The following POLR3B variants were observed in gnomAD, a reference collection of about 807,000 sequenced individuals.
POLR3B encodes DNA-directed RNA polymerase III subunit RPC2.
POLR3B carries 96 observed loss-of-function variants against 147.4 expected under a neutral mutation model. The ratio of observed to expected loss-of-function variants is 0.65; its 90% confidence interval spans 0.55 to 0.77. The LOEUF is 0.77. Among genes scored for constraint, POLR3B ranks in the 30% least tolerant of loss-of-function variants. The pLI is 0.00. For missense variants in POLR3B, 1,036 were observed against 1,413.5 expected (o/e 0.73, Z 4.28); for synonymous variants, 461 against 485.9 (o/e 0.95, Z 0.67).
chr12:106,394,767 TA>T (rs1006665958), intron 10 of POLR3B, among the ~76,000 whole-genome samples: 6 of 152,314 alleles, frequency 3.9e-5, no homozygotes, highest in Admixed American at 3.9e-4. Context: ...GGAAGGAAGT[TA>T]ACATAAGAAA....
chr12:106,389,518 G>A lies in POLR3B; in HGVS notation c.724-3513G>A, dbSNP rs922977656. ...GACAACTTGAAGTGGCAATCCATAC[G>A]TCAAATGAGGAAAGACTTTTTCGTT... On this transcript the variant is annotated intron_variant, in intron 9 of 27. Transcript: ENST00000228347. Among the ~76,000 whole-genome samples the A allele has an allele frequency of 3.9e-5, 6 of 152,004 alleles. No individual in the cohort carries two copies. In the East Asian group the frequency reaches 7.7e-4, roughly 19 times the overall value.
chr12:106,494,997 T>C (rs1344419958), intron 23 of POLR3B, among the ~76,000 whole-genome samples: 1 of 152,168 alleles, frequency 6.6e-6, no homozygotes, highest in African/African-American at 2.4e-5. Context: ...AGAATCAAAT[T>C]GAATGAAATA....
chr12:106,459,117 A>C (rs2137032356), intron 21 of POLR3B, 134 bp from the exon 22 acceptor site: 1 of 691,264 alleles, frequency 1.4e-6, no homozygotes, highest in East Asian at 2.7e-5. Context: ...GCCTCAACCT[A>C]GGTTCAAGCA....
chr12:106,492,950 C>G (rs1166686748), intron 23 of POLR3B, among the ~76,000 whole-genome samples: 2 of 152,120 alleles, frequency 1.3e-5, no homozygotes, highest in East Asian at 3.8e-4. Context: ...CCATTTGGCC[C>G]TCCTGAGTGC....
chr12:106,447,175 A>T (rs1265566723), intron 19 of POLR3B, among the ~76,000 whole-genome samples: 1 of 152,182 alleles, frequency 6.6e-6, no homozygotes, highest in African/African-American at 2.4e-5. Context: ...AACGTGCAAG[A>T]TAGTAGCTCA....
chr12:106,358,214 C>G (rs1430617643), intron 1 of POLR3B: 13 of 1,407,214 alleles, frequency 9.2e-6, no homozygotes, highest in Non-Finnish European at 1.2e-5. Flanking sequence ...TGGAGCTCTT[C>G]CAGCATAGGT....
intron 2 of POLR3B, among the ~76,000 whole-genome samples, chr12:106,364,293 A>G (rs1002962650): frequency 1.3e-5 from 2 of 152,228 alleles, no homozygotes; most frequent in East Asian, 3.9e-4. Context: ...GAGCCTCCAC[A>G]GAGTCTGCAG....
chr12:106,418,000 T>G (rs529945109), intron 12 of POLR3B, among the ~76,000 whole-genome samples: 1 of 152,318 alleles, frequency 6.6e-6, no homozygotes, highest in South Asian at 2.1e-4. Flanking sequence ...AGCAAAAATG[T>G]GTAAAAACAA....
intron 5 of POLR3B, 100 bp downstream of exon 5, chr12:106,369,450 G>A (rs1011173855): frequency 4.2e-6 from 4 of 958,032 alleles, no homozygotes; most frequent in Admixed American, 1.7e-5. Flanking sequence ...GGATGGGGGG[G>A]GACATTCTTT....
In POLR3B at chr12:106,501,583, A is replaced by G. The variant is rs7962691; in HGVS notation, c.3098+147A>G. On this transcript the variant is annotated intron_variant, in intron 26 of 27. Coordinates refer to ENST00000228347, the MANE Select transcript of POLR3B (RefSeq NM_018082.6). ...AAGTTTGGCATTAAGAAAATCATAT[A>G]TGTATGATTAAAATGAAAAAGTAGC... The G allele has an allele frequency of 4.9e-3, 2,990 of 607,114 alleles. 72 individuals carry two copies. In the African/African-American group the frequency reaches 0.05, roughly 10 times the overall value. The allele number at this position is 607,114 out of a possible 1,614,324, so 37.6% of individuals were successfully genotyped here.
chr12:106,478,949 C>T lies in POLR3B; in HGVS notation c.2713+15329C>T, dbSNP rs115609416. Among the ~76,000 whole-genome samples, 765 of 152,244 alleles carry T rather than the reference C, an allele frequency of 5.0e-3. 6 individuals carry two copies. Among genetic ancestry groups the T allele is most frequent in the African/African-American group, 0.018 (735 of 41,568 alleles). ...TGTAAATTGTAATGTCACTCTTCTT[C>T]CTCGTGTTTTTGTGCCCTGTTTCTC... is the stretch of plus-strand genomic sequence containing the variant. On this transcript the variant is annotated intron_variant, in intron 23 of 27. Coordinates refer to ENST00000228347, the MANE Select transcript of POLR3B (RefSeq NM_018082.6).
chr12:106,446,110 C>T (rs2037719168), intron 19 of POLR3B: 2 of 309,674 alleles, frequency 6.5e-6, no homozygotes, highest in Admixed American at 7.7e-5. Flanking sequence ...GTGCTTCTGA[C>T]TTGCTAACAA....
chr12:106,508,856 A>T (rs1350186740), intron 27 of POLR3B, among the ~76,000 whole-genome samples: 1 of 152,218 alleles, frequency 6.6e-6, no homozygotes, highest in Non-Finnish European at 1.5e-5. Flanking sequence ...AGAGCACTAG[A>T]CAAGTTACCA....
At chr12:106,415,880 C>T (rs763684203) in intron 12 of POLR3B, among the ~76,000 whole-genome samples, 1 of 152,134 alleles carries the variant, frequency 6.6e-6, no homozygotes, top group Non-Finnish European at 1.5e-5. Context: ...CTCAGTTCCC[C>T]AGTTCTCCTT....
intron 9 of POLR3B, among the ~76,000 whole-genome samples, chr12:106,380,536 T>A (rs2036747788): frequency 6.6e-6 from 1 of 152,100 alleles, no homozygotes; most frequent in Non-Finnish European, 1.5e-5. Context: ...TGAGCTGAGA[T>A]TGTGCCACTC....
Position 106,509,719 on chromosome 12 carries a change from A to G in POLR3B, c.*170A>G. On this transcript the variant is annotated 3_prime_UTR_variant, in exon 28 of 28. Transcript: ENST00000228347. The stretch of plus-strand genomic sequence containing the variant: ...TTTTATATACTCTAAGACTGGCTAA[A>G]CAACCTTGATCATTGAGCCTCGAGC... 1.7e-6 allele frequency: 1 copy of G among 596,174 alleles called. No individual in the cohort carries two copies. The highest frequency in any genetic ancestry group is 1.8e-5 in the African/African-American group (1 of 54,116). The allele number at this position is 596,174 out of a possible 1,614,324, so 36.9% of individuals were successfully genotyped here. A position where few individuals can be genotyped will look rare whatever the true frequency, so the allele number is the denominator to read the frequency against.
At position 106,504,513 on chromosome 12, in the gene POLR3B, C is replaced by T. The variant is rs911849146; in HGVS notation, c.3272+259C>T. Among the ~76,000 whole-genome samples, 3 of 152,184 alleles carry T rather than the reference C, an allele frequency of 2.0e-5. No homozygotes were observed. The highest frequency in any genetic ancestry group is 1.5e-5 in the Non-Finnish European group (1 of 68,036). On this transcript the variant is annotated intron_variant, in intron 27 of 27. Coordinates refer to ENST00000228347, the MANE Select transcript of POLR3B (RefSeq NM_018082.6). The surrounding 1 kb of genome is among the most constrained non-coding windows in gnomAD (Gnocchi z 4.6). ...CTTTACCTCCTTTTAAATATTCTCT[C>T]AGGTACTTTTTATAACACTATTTGC...
At chr12:106,385,599 G>A (rs1190746024) in intron 9 of POLR3B, among the ~76,000 whole-genome samples, 1 of 152,204 alleles carries the variant, frequency 6.6e-6, no homozygotes, top group Non-Finnish European at 1.5e-5. Flanking sequence ...TGTTAAAGTT[G>A]TAATCAGGTG....
chr12:106,483,676 G>T (rs1000740277), intron 23 of POLR3B, among the ~76,000 whole-genome samples: 1 of 152,142 alleles, frequency 6.6e-6, no homozygotes, highest in African/African-American at 2.4e-5. Context: ...ATTGTGGCCT[G>T]TGAAGGGAGG....
Sources: allele counts gnomAD v4.1 joint callset (sites outside exome capture counted in the v4.1 genomes callset), GRCh38; gene constraint gnomAD v4.1.1; non-coding constraint Gnocchi (gnomAD v3.1); transcripts MANE v1.5; gene names NCBI Gene and HGNC (gene_info 2026-07-23, HGNC 2026-07-21).